The following ADAMTSL1 variants were observed in gnomAD, a reference collection of about 807,000 sequenced individuals.
The protein encoded by ADAMTSL1 is ADAMTS-like protein 1.
In ADAMTSL1, 126 loss-of-function variants were observed where a neutral mutation model predicts 201.8. The observed-to-expected ratio is 0.62, with a 90% CI of 0.54 to 0.72. ADAMTSL1 has a LOEUF of 0.72. Ranked by LOEUF, ADAMTSL1 falls within the 30% of genes least tolerant of loss-of-function variation. ADAMTSL1 has a pLI of 0.00. For synonymous variants in ADAMTSL1, 1,121 were observed against 903.4 expected (o/e 1.24, Z -4.32); for missense variants, 2,679 against 2,277.8 (o/e 1.18, Z -3.59).
At chr9:18,345,450 T>C (rs1383554151) in intron 2 of ADAMTSL1, among the ~76,000 whole-genome samples, 3 of 152,292 alleles carry the variant, frequency 2.0e-5, no homozygotes, top group East Asian at 3.9e-4. Context: ...GGCCAATAAC[T>C]CTTCGAGAAT....
intron 22 of ADAMTSL1, among the ~76,000 whole-genome samples, chr9:18,829,292 T>G (rs935439881): frequency 6.6e-6 from 1 of 152,292 alleles, no homozygotes; most frequent in East Asian, 1.9e-4. Flanking sequence ...TACTTAGGCA[T>G]AAAAATCCAA....
intron 1 of ADAMTSL1, among the ~76,000 whole-genome samples, chr9:18,028,649 T>C (rs1159255069): frequency 6.6e-6 from 1 of 152,178 alleles, no homozygotes; most frequent in Non-Finnish European, 1.5e-5. Context: ...TACCATCCTA[T>C]TTTGGTTACT....
intron 1 of ADAMTSL1, among the ~76,000 whole-genome samples, chr9:17,919,995 C>G (rs1316771125): frequency 4.6e-5 from 7 of 152,056 alleles, no homozygotes; most frequent in Non-Finnish European, 8.8e-5. Context: ...TAGTATCTGA[C>G]CTTTTGATTA....
chr9:18,606,542 G>C (rs915788869), intron 4 of ADAMTSL1, among the ~76,000 whole-genome samples: 11 of 152,146 alleles, frequency 7.2e-5, no homozygotes, highest in Admixed American at 5.2e-4. Flanking sequence ...CTGTTTGCTT[G>C]AAAGTCCCCT....
At chr9:18,093,645 T>C (rs949602497) in intron 1 of ADAMTSL1, among the ~76,000 whole-genome samples, 9 of 152,186 alleles carry the variant, frequency 5.9e-5, no homozygotes, top group Admixed American at 5.9e-4. Flanking sequence ...AATGTAACTA[T>C]AAAAATCTAG....
chr9:18,378,522 A>G (rs1837406507), intron 2 of ADAMTSL1, among the ~76,000 whole-genome samples: 1 of 152,230 alleles, frequency 6.6e-6, no homozygotes, highest in African/African-American at 2.4e-5. Context: ...CCAAACAGAA[A>G]AATGTCTTTG....
At chr9:18,464,170 C>G (rs1999174) in intron 2 of ADAMTSL1, among the ~76,000 whole-genome samples, 38,057 of 152,098 alleles carry the variant, frequency 0.25, 5,550 homozygotes, top group South Asian at 0.38. Flanking sequence ...AATAAGCATG[C>G]CCTCATCATC....
chr9:18,831,446 G>C (rs7859001), intron 23 of ADAMTSL1, among the ~76,000 whole-genome samples: 1 of 152,094 alleles, frequency 6.6e-6, no homozygotes, highest in Non-Finnish European at 1.5e-5. Context: ...TTCAAGTTCA[G>C]TAACTCTTTT....
intron 1 of ADAMTSL1, among the ~76,000 whole-genome samples, chr9:17,988,574 T>A (rs1015951001): frequency 4.0e-5 from 6 of 151,336 alleles, no homozygotes; most frequent in Non-Finnish European, 7.4e-5. Context: ...TTTTTTTTTT[T>A]AAGAAATTTA....
intron 1 of ADAMTSL1, among the ~76,000 whole-genome samples, chr9:17,997,421 A>G (rs1218911661): frequency 2.0e-5 from 3 of 152,126 alleles, no homozygotes; most frequent in Non-Finnish European, 2.9e-5. Flanking sequence ...ATACACATGT[A>G]TCATATTAGA....
Position 18,817,177 on chromosome 9 carries a change from A to G in ADAMTSL1, c.3874A>G (p.Ile1292Val), listed in dbSNP as rs777855400. The change falls in exon 21 of 29, where the codon ATA becomes GTA. Residue 1292 changes from isoleucine to valine, a missense_variant. Physicochemically the swap from Ile to Val is conservative, Grantham distance 29 (BLOSUM62 3). Coordinates refer to ENST00000380548, the MANE Select transcript of ADAMTSL1 (RefSeq NM_001040272.6). ...GGAGAAGCCTGCAGTCACAGTCGAT[A>G]TAGGAAGCACCATCAAAACAGTGCA... Reference protein sequence around the residue: ...NTEKPAVTVDIGSTIKTVQGV... With the variant: ...NTEKPAVTVDVGSTIKTVQGV... 3.2e-5 allele frequency: 50 copies of G among 1,584,316 alleles called. No individual in the cohort carries two copies. The highest frequency in any genetic ancestry group is 4.0e-5 in the Non-Finnish European group (46 of 1,164,532).
chr9:18,470,890 A>G (rs1431647222), upstream of ADAMTSL1, among the ~76,000 whole-genome samples: 1 of 152,214 alleles, frequency 6.6e-6, no homozygotes, highest in Non-Finnish European at 1.5e-5. Flanking sequence ...GCATGGAGCC[A>G]GTAACCAGTA....
chr9:18,763,738 A>T (rs1820201635), intron 16 of ADAMTSL1, among the ~76,000 whole-genome samples: 1 of 152,136 alleles, frequency 6.6e-6, no homozygotes, highest in African/African-American at 2.4e-5. Flanking sequence ...TCATTGAAGA[A>T]ACTGTCTTTT....
At chr9:18,870,318 C>T (rs539722562) in intron 23 of ADAMTSL1, among the ~76,000 whole-genome samples, 12 of 152,224 alleles carry the variant, frequency 7.9e-5, no homozygotes, top group East Asian at 3.9e-4. Flanking sequence ...TATAGATGTA[C>T]GGATATAGAG....
At chr9:18,295,704 C>T (rs1279950200) in intron 2 of ADAMTSL1, among the ~76,000 whole-genome samples, 2 of 152,114 alleles carry the variant, frequency 1.3e-5, no homozygotes, top group Non-Finnish European at 2.9e-5. Context: ...TTTCATCCTG[C>T]CCAGGAATAT....
chr9:18,659,220 G>T (rs1283031658), intron 8 of ADAMTSL1, among the ~76,000 whole-genome samples: 1 of 152,144 alleles, frequency 6.6e-6, no homozygotes, highest in Admixed American at 6.5e-5. Flanking sequence ...GGAGACAAAT[G>T]ATTACCCATA....
intron 2 of ADAMTSL1, among the ~76,000 whole-genome samples, chr9:18,509,192 A>AAAAAG: frequency 5.4e-5 from 1 of 18,620 alleles, no homozygotes; most frequent in East Asian, 7.5e-4. Context: ...CTCCGTCTCA[A>AAAAAG]AAAAAAAAAA....
intron 2 of ADAMTSL1, among the ~76,000 whole-genome samples, chr9:18,401,234 A>G (rs947475158): frequency 2.6e-5 from 4 of 152,222 alleles, no homozygotes; most frequent in African/African-American, 9.6e-5. Context: ...CTTTCAGTTC[A>G]TTAGCTTTCC....
chr9:18,657,929 C>T (rs1401117336), intron 8 of ADAMTSL1, among the ~76,000 whole-genome samples, 179 bp downstream of exon 8: 1 of 151,766 alleles, frequency 6.6e-6, no homozygotes, highest in Non-Finnish European at 1.5e-5. Context: ...CGCCAAGATG[C>T]CAAAGACATT....
Sources: gnomAD v4.1 joint callset for allele counts (sites outside exome capture counted in the v4.1 genomes callset) on GRCh38, gnomAD v4.1.1 for gene constraint, MANE v1.5 for transcripts, NCBI Gene and HGNC (gene_info 2026-07-23, HGNC 2026-07-21) for gene names.